Variants in GCC2 observed in about 807,000 individuals in gnomAD.
GCC2 encodes the protein GRIP and coiled-coil domain-containing protein 2.
GCC2 carries 120 observed loss-of-function variants against 210.6 expected under a neutral mutation model. That is an observed-to-expected ratio of 0.57 (90% CI 0.49 to 0.66). GCC2 has a LOEUF of 0.66. GCC2 is among the 30% of genes least tolerant of loss of function. The pLI is 0.00. For synonymous variants in GCC2, 703 were observed against 652.7 expected, an observed-to-expected ratio of 1.08 and a Z score of -1.17; for missense variants, 1,868 against 1,871.9, an observed-to-expected ratio of 1.00 and a Z score of 0.04.
rs945638224 is a variant in GCC2 at position 108,485,390 on chromosome 2, C to T, written c.3614-246C>T. ...TATTCACTTTAACATTTCTTAAGTA[C>T]CTTGCTGTTTCCTGGTCTGGGTTAA... On this transcript the variant is annotated intron_variant, in intron 13 of 22. Coordinates refer to ENST00000309863, the MANE Select transcript of GCC2 (RefSeq NM_181453.4). Among the ~76,000 whole-genome samples, 11 of 151,222 alleles carry T rather than the reference C, an allele frequency of 7.3e-5. 1 individual carries two copies. In the East Asian group the frequency reaches 1.9e-3, roughly 27 times the overall value.
At chr2:108,452,950 C>G (rs1194039439) in intron 4 of GCC2, among the ~76,000 whole-genome samples, 1 of 152,210 alleles carries the variant, frequency 6.6e-6, no homozygotes, top group Non-Finnish European at 1.5e-5. Flanking sequence ...CCTCAGCCTC[C>G]CAAAGTGCTG....
intron 2 of GCC2, among the ~76,000 whole-genome samples, chr2:108,450,465 C>T (rs1180702220): frequency 6.6e-6 from 1 of 152,230 alleles, no homozygotes; most frequent in Non-Finnish European, 1.5e-5. Context: ...CAAAAGCTAG[C>T]AATGTCAACC....
At position 108,475,761 on chromosome 2, in the gene GCC2, G is replaced by A. The variant is rs772043861; in HGVS notation, c.2971G>A (p.Val991Met). The A allele has an allele frequency of 4.4e-6, 7 of 1,600,620 alleles. No individual in the cohort carries two copies. In the South Asian group the frequency reaches 7.9e-5, roughly 18 times the overall value. Residue 991 changes from valine to methionine, a missense_variant, in exon 9 of 23, where the codon GTG (valine) becomes ATG (methionine). Physicochemically the swap from Val to Met is conservative, Grantham distance 21. Around this residue, in one of 3 missense-constraint regions of GCC2, gnomAD observed 1,847 missense variants for 1,765.2 expected, o/e 1.05. Coordinates refer to ENST00000309863, the MANE Select transcript of GCC2 (RefSeq NM_181453.4). Reference protein sequence around the residue: ...LDSSRKETQTVKEELESLRSE... With the variant: ...LDSSRKETQTMKEELESLRSE... ...CTTGTGTTTAAAACAGACCCAGACTGTGAAGGAAGAACTTGAATCTCTTCG... is the reference window on the plus strand; with the variant it reads ...CTTGTGTTTAAAACAGACCCAGACTATGAAGGAAGAACTTGAATCTCTTCG...
Position 108,498,183 on chromosome 2 carries a change from CTTTTTTTTTT to C in GCC2, c.4782+1095_4782+1104del, listed in dbSNP as rs3084885. The stretch of plus-strand genomic sequence containing the variant: ...ATGACTTATTTAAATGTTATATTTT[CTTTTTTTTTT>C]TTTTTTTTTTTTTTTTTTTTGAGAT... On this transcript the variant is annotated intron_variant, in intron 21 of 22. Coordinates refer to ENST00000309863, the MANE Select transcript of GCC2 (RefSeq NM_181453.4). Among the ~76,000 whole-genome samples the C allele has an allele frequency of 1.4e-4, 8 of 57,466 alleles. No individual in the cohort carries two copies. The East Asian group carries it at 1.7e-3, about 13-fold the overall frequency. 37.7% of individuals were successfully genotyped at this position (57,466 alleles called of 152,430 possible).
intron 4 of GCC2, among the ~76,000 whole-genome samples, chr2:108,461,858 G>C (rs1309532277): frequency 2.7e-5 from 3 of 110,480 alleles, no homozygotes; most frequent in Non-Finnish European, 5.2e-5. Flanking sequence ...TTTTGAGACA[G>C]AGTCTCGCTC....
chr2:108,485,118 C>G (rs1365483187), intron 13 of GCC2, among the ~76,000 whole-genome samples: 1 of 148,448 alleles, frequency 6.7e-6, no homozygotes, highest in Admixed American at 6.9e-5. Flanking sequence ...GGGAACTGAA[C>G]AGTGAGATCA....
rs754274589 is a variant in GCC2 at position 108,471,470 on chromosome 2, A to C, written c.2141A>C (p.Gln714Pro). 1.9e-6 allele frequency: 3 copies of C among 1,609,960 alleles called. No individual in the cohort carries two copies. In the East Asian group the frequency reaches 6.7e-5, roughly 36 times the overall value. ...AGGGATTTGGAGGTTTTTTTGTCTC[A>C]AAAAGAAGATGTTATCCTTAAAGAA... ...LSRDLEVFLS[Q>P]KEDVILKEHI... The change falls in exon 6 of 23, where the codon CAA becomes CCA. Residue 714 changes from glutamine (Q) to proline (P), a missense_variant. Physicochemically the swap from Gln to Pro is moderately conservative, Grantham distance 76 (BLOSUM62 -1). Coordinates refer to ENST00000309863, the MANE Select transcript of GCC2 (RefSeq NM_181453.4).
At position 108,482,737 on chromosome 2, in the gene GCC2, C is replaced by T. The variant is rs572873638; in HGVS notation, c.3345+286C>T. Among the ~76,000 whole-genome samples, 14 of 152,172 alleles carry T rather than the reference C, an allele frequency of 9.2e-5. No individual in the cohort carries two copies. The East Asian group carries it at 1.5e-3, about 17-fold the overall frequency. ...TGTTGCCCAGGCTGGAGTGCAGTGG[C>T]GCAATCTCAGCTCACTGCAAGCTCC... On this transcript the variant is annotated intron_variant, in intron 11 of 22. Transcript: ENST00000309863.
Position 108,508,387 on chromosome 2 carries a change from T to C in GCC2, c.*757T>C, listed in dbSNP as rs1683311447. On this transcript the variant is annotated 3_prime_UTR_variant, in exon 23 of 23. Transcript: ENST00000309863. ...AACTCTTCTTTTTTTCTTTAAAGTA[T>C]ACTATCTCAAAACTCATTATGTTGT... is the stretch of plus-strand genomic sequence containing the variant. 1 of 140,228 alleles carries C rather than the reference T, an allele frequency of 7.1e-6. No individual in the cohort carries two copies. The highest frequency in any genetic ancestry group is 2.7e-5 in the African/African-American group (1 of 37,582). The allele number at this position is 140,228 out of a possible 1,614,324, so 8.7% of individuals were successfully genotyped here.
intron 4 of GCC2, among the ~76,000 whole-genome samples, chr2:108,455,902 T>C (rs1678248192): frequency 6.6e-6 from 1 of 152,256 alleles, no homozygotes; most frequent in Non-Finnish European, 1.5e-5. Flanking sequence ...CCCTTTGTTA[T>C]ATTGATTTGT....
intron 4 of GCC2, among the ~76,000 whole-genome samples, chr2:108,453,092 T>C (rs2104404305): frequency 6.6e-6 from 1 of 152,346 alleles, no homozygotes; most frequent in East Asian, 1.9e-4. Flanking sequence ...GTGTACAGTA[T>C]ATAATCTATA....
intron 7 of GCC2, chr2:108,474,825 A>G (rs1289466323): frequency 6.6e-6 from 1 of 152,198 alleles, no homozygotes; most frequent in Admixed American, 6.5e-5. Context: ...TTATTGCTGC[A>G]GAAGAAGGAG....
intron 22 of GCC2, among the ~76,000 whole-genome samples, chr2:108,503,020 C>T (rs996869087): frequency 2.7e-5 from 4 of 150,866 alleles, no homozygotes; most frequent in African/African-American, 9.7e-5. Context: ...TGGGAAAAGA[C>T]ATCAAACATG....
rs778128596 is a variant in GCC2 at position 108,451,082 on chromosome 2, C to T, written c.118C>T (p.Leu40=). 6.2e-7 allele frequency: 1 copy of T among 1,610,846 alleles called. No homozygotes were observed. The highest frequency in any genetic ancestry group is 1.1e-5 in the South Asian group (1 of 90,978). The change falls in exon 3 of 23, where the codon CTA becomes TTA. Residue 40 remains leucine, a synonymous_variant. Transcript: ENST00000309863. ...LIKFAKKQMM[L]IQKAKSRCTE... ...CAAGTTTGCCAAGAAACAGATGATG[C>T]TAATACAGAAAGCTAAATCAAGGTG...
At chr2:108,473,833 A>T (rs1033387057) in intron 7 of GCC2, among the ~76,000 whole-genome samples, 1 of 152,098 alleles carries the variant, frequency 6.6e-6, no homozygotes. Flanking sequence ...CTAGAGATAA[A>T]TACTTCTAGT....
rs200948816 is a variant in GCC2, at chr2:108,467,353, T to G, written c.217-1627T>G. 5.3e-5 allele frequency among the ~76,000 whole-genome samples: 8 copies of G among 152,348 alleles called. No homozygotes were observed. The East Asian group carries it at 9.6e-4, about 18-fold the overall frequency. On this transcript the variant is annotated intron_variant, in intron 4 of 22. Transcript: ENST00000309863. ...CCAAAAATGGAACTGACTTTGTATATTAATCCTATATCTACTTTGTGAAAC... is the reference window on the plus strand; with the variant it reads ...CCAAAAATGGAACTGACTTTGTATAGTAATCCTATATCTACTTTGTGAAAC...
Position 108,451,011 on chromosome 2 carries a change from A to G in GCC2, c.64-17A>G. The G allele has an allele frequency of 1.9e-6, 3 of 1,573,882 alleles. No individual in the cohort carries two copies. The highest frequency in any genetic ancestry group is 2.6e-6 in the Non-Finnish European group (3 of 1,144,604). ...ACATGAGTTATAACAAGTTGGTAAC[A>G]TGACCACATCTTTCAGCTGGAAACA... On this transcript the variant is annotated splice_polypyrimidine_tract_variant and intron_variant, in intron 2 of 22. Coordinates refer to ENST00000309863, the MANE Select transcript of GCC2 (RefSeq NM_181453.4).
At chr2:108,458,695 T>C (rs1278701552) in intron 4 of GCC2, among the ~76,000 whole-genome samples, 3 of 152,114 alleles carry the variant, frequency 2.0e-5, no homozygotes, top group East Asian at 3.8e-4. Flanking sequence ...CTCTAGGTTT[T>C]CCAGTTTGTG....
Position 108,509,137 on chromosome 2 carries a change from CTG to C in GCC2, c.*1510_*1511del, listed in dbSNP as rs767944105. On this transcript the variant is annotated 3_prime_UTR_variant, in exon 23 of 23. Coordinates refer to ENST00000309863, the MANE Select transcript of GCC2 (RefSeq NM_181453.4). ...GAGTTTAGTTTTTTTACTTTATAAACTGTGAATATGAGTATGCCAGCTGCATA... is the reference window on the plus strand; with the variant it reads ...GAGTTTAGTTTTTTTACTTTATAAACTGAATATGAGTATGCCAGCTGCATA... 5.2e-5 allele frequency: 8 copies of C among 152,582 alleles called. No individual in the cohort carries two copies. Among genetic ancestry groups the C allele is most frequent in the Non-Finnish European group, 8.8e-5 (6 of 68,040 alleles). The allele number at this position is 152,582 out of a possible 1,614,324, so 9.5% of individuals were successfully genotyped here.
Sources: gnomAD v4.1 joint callset for allele counts (sites outside exome capture counted in the v4.1 genomes callset) on GRCh38, gnomAD v4.1.1 for gene constraint, gnomAD v4.1.1 regional missense constraint, MANE v1.5 for transcripts, NCBI Gene and HGNC (gene_info 2026-07-23, HGNC 2026-07-21) for gene names.